The following SLC18A1 variants were observed in gnomAD, a reference collection of about 807,000 sequenced individuals.
SLC18A1 encodes the protein chromaffin granule amine transporter.
Under a neutral mutation model 53.7 loss-of-function variants are expected in SLC18A1, and 69 were observed. The observed-to-expected ratio is 1.28, with a 90% CI of 1.06 to 1.57. The LOEUF is 1.57. Among genes scored for constraint, SLC18A1 ranks in the 40% most tolerant of loss-of-function variants. The probability of loss-of-function intolerance (pLI) is 0.00; values close to 1 mark genes in which losing one functional copy is unlikely to be tolerated. For missense variants in SLC18A1, 932 were observed against 668.1 expected, an observed-to-expected ratio of 1.40 and a Z score of -4.35; for synonymous variants, 320 against 248.1, an observed-to-expected ratio of 1.29 and a Z score of -2.72.
At chr8:20,169,806 G>A (rs2072064528) in intron 8 of SLC18A1, among the ~76,000 whole-genome samples, 2 of 152,166 alleles carry the variant, frequency 1.3e-5, no homozygotes, top group South Asian at 4.1e-4. Context: ...TTGAACCTAG[G>A]AGGCAGAGGT....
At chr8:20,172,623 G>A (rs1413494351) in intron 6 of SLC18A1, among the ~76,000 whole-genome samples, 3 of 152,134 alleles carry the variant, frequency 2.0e-5, no homozygotes, top group Non-Finnish European at 2.9e-5. Context: ...GATGTTGGAT[G>A]GTGTTTTCGC....
chr8:20,155,333 C>T (rs1361727464), intron 10 of SLC18A1, among the ~76,000 whole-genome samples: 4 of 152,192 alleles, frequency 2.6e-5, no homozygotes, highest in Non-Finnish European at 5.9e-5. Context: ...CACCTGTCAG[C>T]CAGTTACAAA....
Position 20,174,424 on chromosome 8 carries a change from AG to A in SLC18A1, c.567del (p.Tyr190IlefsTer60). 6.2e-7 allele frequency: 1 copy of A among 1,613,958 alleles called. No homozygotes were observed. Among genetic ancestry groups the A allele is most frequent in the Non-Finnish European group, 8.5e-7 (1 of 1,179,850 alleles). Reference protein sequence around the residue: ...LSTVMFAFSGTYTLLFVARTL... With the variant: ...LSTVMFAFSGXYTLLFVARTL... ...GTTCGGGCCACAAAGAGTAGAGTAT[AG>A]GTCCCAGAAAAAGCAAACACTGGGC... On this transcript the variant is annotated frameshift_variant, in exon 5 of 16. Coordinates refer to ENST00000276373, the MANE Select transcript of SLC18A1 (RefSeq NM_003053.4). LOFTEE classifies it high-confidence loss of function.
At chr8:20,170,195 G>A (rs1311962282) in intron 8 of SLC18A1, among the ~76,000 whole-genome samples, 2 of 152,124 alleles carry the variant, frequency 1.3e-5, no homozygotes, top group Non-Finnish European at 2.9e-5. Flanking sequence ...TCAGGAGACT[G>A]CGGGAGGCTC....
intron 8 of SLC18A1, 145 bp downstream of exon 8, chr8:20,170,958 C>T: frequency 2.7e-6 from 2 of 752,992 alleles, no homozygotes; most frequent in South Asian, 1.8e-5. Flanking sequence ...GAAACGTAAC[C>T]CTATCCTGGA....
intron 6 of SLC18A1, among the ~76,000 whole-genome samples, chr8:20,172,181 G>T (rs2072139562): frequency 6.6e-6 from 1 of 152,228 alleles, no homozygotes; most frequent in African/African-American, 2.4e-5. Context: ...CAAGGAGCCA[G>T]GAGTGGCTGT....
chr8:20,164,954 G>C lies in SLC18A1; in HGVS notation c.930C>G (p.Cys310Trp). 6.2e-7 allele frequency: 1 copy of C among 1,613,938 alleles called. No homozygotes were observed. The highest frequency in any genetic ancestry group is 8.5e-7 in the Non-Finnish European group (1 of 1,179,858). ...PYILVAAGSICFANMGVAILE... is the reference protein window; with the variant it reads ...PYILVAAGSIWFANMGVAILE... ...GGATGGCCACCCCCATGTTGGCAAAGCAGATGGACCCTGGGGAGACTGTTC... is the reference window on the plus strand; with the variant it reads ...GGATGGCCACCCCCATGTTGGCAAACCAGATGGACCCTGGGGAGACTGTTC... Residue 310 changes from cysteine to tryptophan, a missense_variant, in exon 10 of 16, where the codon TGC (cysteine) becomes TGG (tryptophan). Physicochemically the swap from Cys to Trp is radical, Grantham distance 215. Transcript: ENST00000276373.
At chr8:20,157,687 T>C (rs1459654628) in intron 10 of SLC18A1, among the ~76,000 whole-genome samples, 3 of 152,198 alleles carry the variant, frequency 2.0e-5, no homozygotes, top group Non-Finnish European at 4.4e-5. Flanking sequence ...GCTGCAGATA[T>C]TAGAAACAAA....
intron 10 of SLC18A1, among the ~76,000 whole-genome samples, chr8:20,163,066 C>T (rs1436952590): frequency 2.6e-5 from 4 of 152,130 alleles, no homozygotes; most frequent in Non-Finnish European, 2.9e-5. Flanking sequence ...TTATTTGGCT[C>T]AGGGTTCTGG....
chr8:20,145,812 T>A lies in SLC18A1; in HGVS notation c.1529A>T (p.Glu510Val). The change falls in exon 16 of 16, where the codon GAA becomes GTA. Residue 510 changes from glutamate to valine, a missense_variant. Transcript: ENST00000276373. ...RMYATQKPTKEFPLGEDSDEE... is the reference protein window; with the variant it reads ...RMYATQKPTKVFPLGEDSDEE... ...ATCACTGTCCTCCCCCAGAGGAAAT[T>A]CCTTCGTGGGCTTCTGGGTTGCATA... 1 of 1,612,272 alleles carries A rather than the reference T, an allele frequency of 6.2e-7. No homozygotes were observed. Among genetic ancestry groups the A allele is most frequent in the Non-Finnish European group, 8.5e-7 (1 of 1,179,206 alleles).
intron 4 of SLC18A1, 46 bp downstream of exon 4, chr8:20,178,389 C>A: frequency 6.7e-7 from 1 of 1,483,740 alleles, no homozygotes; most frequent in South Asian, 1.2e-5. Context: ...TTGATAAAAT[C>A]AAAGGTAATC....
At position 20,147,344 on chromosome 8, in the gene SLC18A1, G is replaced by A. The variant is rs986704980; in HGVS notation, c.1378C>T (p.Leu460Phe). ...TTGATGACCCCAGTGATGACCATGAGCCAGGGAAAACCGATGGCCTTTACA... is the reference window on the plus strand; with the variant it reads ...TTGATGACCCCAGTGATGACCATGAACCAGGGAAAACCGATGGCCTTTACA... The part of the protein sequence containing the change: ...AIVKAIGFPW[L>F]MVITGVINIV... The change falls in exon 15 of 16, where the codon CTC (leucine) becomes TTC (phenylalanine). Residue 460 changes from leucine to phenylalanine, a missense_variant. Transcript: ENST00000276373. The A allele has an allele frequency of 6.2e-7, 1 of 1,613,466 alleles. No individual in the cohort carries two copies. The highest frequency in any genetic ancestry group is 2.2e-5 in the East Asian group (1 of 44,874).
rs112807932 is a variant in SLC18A1, at chr8:20,178,417, A to C, written c.547+18T>G. 5.6e-5 allele frequency: 89 copies of C among 1,601,896 alleles called. No individual in the cohort carries two copies. The African/African-American group carries it at 1.0e-3, about 19-fold the overall frequency. ...AGGTAATCAGTGAAGGGAAGAAAAG[A>C]GGAAGCAAATTACTTACTAACTGTG... On this transcript the variant is annotated intron_variant, in intron 4 of 15. Transcript: ENST00000276373.
chr8:20,149,987 G>A (rs1375425008), intron 11 of SLC18A1, among the ~76,000 whole-genome samples: 1 of 152,148 alleles, frequency 6.6e-6, no homozygotes, highest in Non-Finnish European at 1.5e-5. Flanking sequence ...CCTTACAGGA[G>A]GAATCAGCTG....
intron 4 of SLC18A1, among the ~76,000 whole-genome samples, chr8:20,177,804 T>C (rs2072287900): frequency 6.6e-6 from 1 of 152,208 alleles, no homozygotes; most frequent in South Asian, 2.1e-4. Context: ...CCTTTACTTC[T>C]CAGCATCAAT....
Position 20,178,438 on chromosome 8 carries a change from C to T in SLC18A1, c.544G>A (p.Val182Ile). 1 of 1,609,568 alleles carries T rather than the reference C, an allele frequency of 6.2e-7. No individual in the cohort carries two copies. Among genetic ancestry groups the T allele is most frequent in the South Asian group, 1.1e-5 (1 of 90,078 alleles). ...AGFVIMFLST[V>I]MFAFSGTYTL... is the part of the protein sequence containing the mutation. ...AAAGAGGAAGCAAATTACTTACTAA[C>T]TGTGGAGAGAAACATGATAACAAAG... The change falls in exon 4 of 16, where the codon GTT becomes ATT. Residue 182 changes from valine (V) to isoleucine (I), a missense_variant. Physicochemically the swap from Val to Ile is conservative, Grantham distance 29. Transcript: ENST00000276373.
intron 8 of SLC18A1, among the ~76,000 whole-genome samples, chr8:20,165,684 C>T (rs1389678660): frequency 4.6e-5 from 7 of 152,148 alleles, no homozygotes; most frequent in African/African-American, 4.8e-5. Flanking sequence ...TAAACTTGGT[C>T]GCCCCACCCT....
chr8:20,147,974 G>C lies in SLC18A1; in HGVS notation c.1210+33C>G, dbSNP rs769539878. On this transcript the variant is annotated intron_variant, in intron 13 of 15. Coordinates refer to ENST00000276373, the MANE Select transcript of SLC18A1 (RefSeq NM_003053.4). ...CATCAGACCCAAAGCCAACATGCAG[G>C]GGCTTATTGTTTTCTTTGAGGGCAC... 5.6e-6 allele frequency: 9 copies of C among 1,608,242 alleles called. No homozygotes were observed. In the East Asian group the frequency reaches 1.8e-4, roughly 32 times the overall value.
intron 10 of SLC18A1, among the ~76,000 whole-genome samples, chr8:20,152,273 A>T (rs898112760): frequency 2.0e-5 from 3 of 152,228 alleles, no homozygotes; most frequent in Non-Finnish European, 4.4e-5. Flanking sequence ...GAATCTGGTT[A>T]TTCCAAGGGC....
Sources: gnomAD v4.1 joint callset for allele counts (sites outside exome capture counted in the v4.1 genomes callset) on GRCh38, gnomAD v4.1.1 for gene constraint, MANE v1.5 for transcripts, NCBI Gene and HGNC (gene_info 2026-07-23, HGNC 2026-07-21) for gene names.